Variants in BTBD9 observed in about 807,000 individuals in gnomAD.
The protein encoded by BTBD9 is BTB/POZ domain-containing protein 9.
Under a neutral mutation model 64.3 loss-of-function variants are expected in BTBD9, and 49 were observed. The ratio of observed to expected loss-of-function variants is 0.76; its 90% CI spans 0.61 to 0.97. The LOEUF (loss-of-function observed/expected upper bound fraction) is 0.97, where lower values mean the gene tolerates loss of function less well. Among genes scored for constraint, BTBD9 ranks in the 50% least tolerant of loss-of-function variants. The pLI, the probability that BTBD9 is intolerant of heterozygous loss-of-function variation, is 0.00. For missense variants in BTBD9, 598 were observed against 762.1 expected (o/e 0.78, Z 2.53); for synonymous variants, 260 against 274.7 (o/e 0.95, Z 0.53).
intron 9 of BTBD9, among the ~76,000 whole-genome samples, chr6:38,248,459 T>C (rs1764283318): frequency 1.3e-5 from 2 of 152,342 alleles, no homozygotes; most frequent in Admixed American, 1.3e-4. Context: ...CACTAATACT[T>C]TGGCAGACAG....
chr6:38,406,380 C>T (rs1767165070), intron 6 of BTBD9, among the ~76,000 whole-genome samples: 1 of 152,106 alleles, frequency 6.6e-6, no homozygotes, highest in Non-Finnish European at 1.5e-5. Context: ...TGACTATCAG[C>T]AAGTTGAAGC....
chr6:38,545,091 G>A (rs1774472655), intron 6 of BTBD9, among the ~76,000 whole-genome samples: 1 of 150,712 alleles, frequency 6.6e-6, no homozygotes. Flanking sequence ...GACAGTTTTT[G>A]TTTGTTTGTT....
chr6:38,229,131 G>C (rs1561901208), intron 9 of BTBD9, among the ~76,000 whole-genome samples: 1 of 151,626 alleles, frequency 6.6e-6, no homozygotes, highest in Non-Finnish European at 1.5e-5. Flanking sequence ...TTGGGAGGTG[G>C]AGGTTGCAGT....
chr6:38,229,681 G>A (rs1763530144), intron 9 of BTBD9, among the ~76,000 whole-genome samples: 1 of 152,196 alleles, frequency 6.6e-6, no homozygotes, highest in African/African-American at 2.4e-5. Flanking sequence ...CAAAACCACA[G>A]TTCTTTTTCC....
intron 9 of BTBD9, among the ~76,000 whole-genome samples, chr6:38,214,851 A>G (rs144888654): frequency 4.6e-5 from 7 of 152,350 alleles, no homozygotes; most frequent in Admixed American, 3.3e-4. Context: ...GCTTCCTTTC[A>G]GACTGTGTTT....
At chr6:38,593,262 G>T (rs1384796391) in intron 3 of BTBD9, among the ~76,000 whole-genome samples, 2 of 152,214 alleles carry the variant, frequency 1.3e-5, no homozygotes, top group East Asian at 3.9e-4. Flanking sequence ...TTGGCTCTCA[G>T]ATCTCCAAAC....
At chr6:38,316,726 T>C (rs1196818480) in intron 7 of BTBD9, among the ~76,000 whole-genome samples, 1 of 152,226 alleles carries the variant, frequency 6.6e-6, no homozygotes, top group Non-Finnish European at 1.5e-5. Context: ...GAGTGGTTTA[T>C]ATACTACAAT....
intron 6 of BTBD9, among the ~76,000 whole-genome samples, chr6:38,503,939 A>G (rs367732158): frequency 6.6e-6 from 1 of 152,144 alleles, no homozygotes; most frequent in East Asian, 1.9e-4. Flanking sequence ...CATCCTTTCT[A>G]TTCATTTGCT....
intron 6 of BTBD9, among the ~76,000 whole-genome samples, chr6:38,505,108 T>C (rs575324990): frequency 1.1e-3 from 169 of 152,320 alleles, no homozygotes; most frequent in African/African-American, 3.8e-3. Context: ...CATAAGCTGC[T>C]TTCTCAATTT....
At chr6:38,220,697 C>T (rs530164358) in intron 9 of BTBD9, among the ~76,000 whole-genome samples, 253 of 152,330 alleles carry the variant, frequency 1.7e-3, no homozygotes, top group Admixed American at 3.5e-3. Context: ...AATAATTCTT[C>T]CTTTTACAAT....
At chr6:38,325,976 T>C (rs1763411307) in intron 7 of BTBD9, among the ~76,000 whole-genome samples, 1 of 152,048 alleles carries the variant, frequency 6.6e-6, no homozygotes, top group Non-Finnish European at 1.5e-5. Context: ...TGTAAATAAA[T>C]GTATAGTTAC....
intron 6 of BTBD9, among the ~76,000 whole-genome samples, chr6:38,438,861 T>C (rs1768882417): frequency 6.6e-6 from 1 of 152,156 alleles, no homozygotes; most frequent in Non-Finnish European, 1.5e-5. Context: ...ACTAAGGCCT[T>C]ACTGAGAAAA....
chr6:38,465,372 C>T (rs1428039910), intron 6 of BTBD9, among the ~76,000 whole-genome samples: 1 of 150,048 alleles, frequency 6.7e-6, no homozygotes. Flanking sequence ...AATCCCAGCA[C>T]TTTGGGAGGC....
At chr6:38,638,661 CTCAGT>C (rs1475668337) in intron 1 of BTBD9, among the ~76,000 whole-genome samples, 1 of 152,198 alleles carries the variant, frequency 6.6e-6, no homozygotes, top group Non-Finnish European at 1.5e-5. Context: ...TTTACAGATT[CTCAGT>C]TATGAAACAG....
At chr6:38,575,400 C>G (rs542692817) in intron 6 of BTBD9, among the ~76,000 whole-genome samples, 1 of 152,202 alleles carries the variant, frequency 6.6e-6, no homozygotes, top group Admixed American at 6.5e-5. Context: ...AAGATAAACA[C>G]GCAAAGGACA....
chr6:38,522,896 G>C (rs1470429703), intron 6 of BTBD9, among the ~76,000 whole-genome samples: 3 of 152,154 alleles, frequency 2.0e-5, no homozygotes, highest in Non-Finnish European at 2.9e-5. Context: ...CAAAAAAAGA[G>C]TCAGGGCTGG....
rs141765286 is a variant in BTBD9 at position 38,403,474 on chromosome 6, T to C, written c.1155-58381A>G. On this transcript the variant is annotated intron_variant, in intron 6 of 10. Transcript: ENST00000481247. ...ACCCTGTAAATCCCCAATAAGCATA[T>C]GAAAAGACACTCAATGTTATTAGCC... Among the ~76,000 whole-genome samples the C allele has an allele frequency of 5.0e-3, 767 of 152,200 alleles. 1 individual carries two copies. Among genetic ancestry groups the C allele is most frequent in the Non-Finnish European group, 7.3e-3 (499 of 67,982 alleles).
chr6:38,266,612 AAGAAAGAAAGAAAGAAAG>A (rs1764991188), intron 8 of BTBD9, among the ~76,000 whole-genome samples: 1 of 10,004 alleles, frequency 1.0e-4, no homozygotes, highest in Non-Finnish European at 2.2e-4. Context: ...AAAGGAAAGA[AAGAAAGAAAGAAAGAAAG>A]AAAGAAAGAA....
At chr6:38,284,838 T>TA (rs1333375287) in intron 8 of BTBD9, among the ~76,000 whole-genome samples, 1 of 151,454 alleles carries the variant, frequency 6.6e-6, no homozygotes, top group Non-Finnish European at 1.5e-5. Flanking sequence ...AAGAGCCAGG[T>TA]AAAAAAGGAG....
Sources: gnomAD v4.1 joint callset for allele counts (sites outside exome capture counted in the v4.1 genomes callset) on GRCh38, gnomAD v4.1.1 for gene constraint, MANE v1.5 for transcripts, NCBI Gene and HGNC (gene_info 2026-07-23, HGNC 2026-07-21) for gene names.